The following AMPH variants were observed in gnomAD, a reference collection of about 807,000 sequenced individuals.
AMPH encodes the protein amphiphysin (Stiff-Mann syndrome with breast cancer 128kD autoantigen).
A neutral mutation model predicts 99.1 loss-of-function variants in AMPH; 49 were observed. That is an observed-to-expected ratio of 0.49 (90% CI 0.39 to 0.63). The LOEUF (loss-of-function observed/expected upper bound fraction) is 0.63. AMPH is among the 20% of genes least tolerant of loss of function. The pLI, the probability that AMPH is intolerant of heterozygous loss-of-function variation, is 0.00. For missense variants in AMPH, 759 were observed against 863.4 expected (o/e 0.88, Z 1.52); for synonymous variants, 314 against 317.3 (o/e 0.99, Z 0.11).
chr7:38,413,273 CACAGA>C (rs1785266088), intron 17 of AMPH, among the ~76,000 whole-genome samples: 1 of 151,954 alleles, frequency 6.6e-6, no homozygotes, highest in African/African-American at 2.4e-5. Flanking sequence ...GCTTAGGTGT[CACAGA>C]GCTGTGGGGC....
chr7:38,398,146 C>A (rs557995823), intron 17 of AMPH, among the ~76,000 whole-genome samples: 2 of 133,252 alleles, frequency 1.5e-5, no homozygotes, highest in African/African-American at 2.9e-5. Flanking sequence ...GTAGAGATAC[C>A]ATATGATCCA....
intron 11 of AMPH, among the ~76,000 whole-genome samples, chr7:38,449,924 A>G (rs574620064): frequency 2.6e-4 from 40 of 152,352 alleles, no homozygotes; most frequent in African/African-American, 9.4e-4. Flanking sequence ...CATGGGTGAA[A>G]AAACCATTTC....
At chr7:38,499,032 C>T (rs1268650007) in intron 3 of AMPH, among the ~76,000 whole-genome samples, 1 of 152,150 alleles carries the variant, frequency 6.6e-6, no homozygotes, top group African/African-American at 2.4e-5. Context: ...ACCTATGACC[C>T]CACTTCTTGG....
intron 2 of AMPH, among the ~76,000 whole-genome samples, chr7:38,508,967 A>T (rs1338533901): frequency 1.3e-5 from 2 of 152,220 alleles, no homozygotes; most frequent in African/African-American, 4.8e-5. Context: ...ACATTAGGCC[A>T]CTGAGCACTA....
At chr7:38,585,030 T>C (rs912353919) in intron 1 of AMPH, among the ~76,000 whole-genome samples, 3 of 152,162 alleles carry the variant, frequency 2.0e-5, no homozygotes, top group Non-Finnish European at 4.4e-5. Context: ...ATTTCCAACC[T>C]TGGGAAACAG....
At chr7:38,446,855 C>A (rs1192811572) in intron 11 of AMPH, among the ~76,000 whole-genome samples, 1 of 151,880 alleles carries the variant, frequency 6.6e-6, no homozygotes. Context: ...TTAAACCTAC[C>A]ATAGCACATT....
chr7:38,587,477 T>C (rs1304427583), intron 1 of AMPH, among the ~76,000 whole-genome samples: 2 of 152,234 alleles, frequency 1.3e-5, no homozygotes, highest in Non-Finnish European at 2.9e-5. Flanking sequence ...CATTTTGTAC[T>C]GAAATCACCT....
At chr7:38,479,000 A>G (rs914776670) in intron 5 of AMPH, among the ~76,000 whole-genome samples, 2 of 152,172 alleles carry the variant, frequency 1.3e-5, no homozygotes, top group Non-Finnish European at 2.9e-5. Flanking sequence ...ATGGTCTAAC[A>G]TAATATAATT....
In AMPH at chr7:38,429,876, A is replaced by G; in HGVS notation, c.1159-11T>C. The G allele has an allele frequency of 6.2e-7, 1 of 1,602,844 alleles. No homozygotes were observed. Among genetic ancestry groups the G allele is most frequent in the Non-Finnish European group, 8.5e-7 (1 of 1,176,578 alleles). On this transcript the variant is annotated splice_polypyrimidine_tract_variant and intron_variant, in intron 13 of 20. Coordinates refer to ENST00000356264, the MANE Select transcript of AMPH (RefSeq NM_001635.4). ...CAAATCAGTGCTTGTCTGTATGGGT[A>G]AAGAAAATAGTAACAATAAGGCGAG...
chr7:38,601,688 A>G (rs1339960562), intron 1 of AMPH, among the ~76,000 whole-genome samples: 1 of 152,170 alleles, frequency 6.6e-6, no homozygotes, highest in African/African-American at 2.4e-5. Flanking sequence ...AAAGACTAGG[A>G]CCTCAAAATG....
chr7:38,462,686 G>A (rs1787494650), intron 10 of AMPH, among the ~76,000 whole-genome samples: 1 of 152,188 alleles, frequency 6.6e-6, no homozygotes, highest in Admixed American at 6.5e-5. Context: ...TGAAAGAAAA[G>A]AGTTTTGTAG....
chr7:38,503,413 C>A (rs1211116280), intron 3 of AMPH, among the ~76,000 whole-genome samples: 10 of 143,470 alleles, frequency 7.0e-5, no homozygotes. Flanking sequence ...ATGTGGGTGG[C>A]ATTTATTTCT....
Position 38,463,056 on chromosome 7 carries a change from G to T in AMPH, c.807C>A (p.Pro269=), listed in dbSNP as rs762426046. 6.2e-7 allele frequency: 1 copy of T among 1,612,234 alleles called. No individual in the cohort carries two copies. Among genetic ancestry groups the T allele is most frequent in the South Asian group, 1.1e-5 (1 of 90,894 alleles). Residue 269 remains proline (P), a synonymous_variant, in exon 10 of 21, where the codon CCC becomes CCA. Coordinates refer to ENST00000356264, the MANE Select transcript of AMPH (RefSeq NM_001635.4). The part of the protein sequence containing the change: ...KTPSPPEEPS[P]LPSPTASPNH... Reference sequence around the variant, plus strand: ...TTGGACTTGCTGTCGGGCTCGGGAGGGGTGAAGGCTCCTCAGGCGGTGATG... The same window carrying T: ...TTGGACTTGCTGTCGGGCTCGGGAGTGGTGAAGGCTCCTCAGGCGGTGATG...
At chr7:38,515,143 A>G (rs1170598990) in intron 2 of AMPH, among the ~76,000 whole-genome samples, 1 of 152,200 alleles carries the variant, frequency 6.6e-6, no homozygotes, top group East Asian at 1.9e-4. Context: ...TTGGAACCTG[A>G]AGAAAAGGGA....
Position 38,535,009 on chromosome 7 carries a change from G to A in AMPH, c.72C>T (p.Val24=). 1 of 1,613,386 alleles carries A rather than the reference G, an allele frequency of 6.2e-7. No homozygotes were observed. The highest frequency in any genetic ancestry group is 1.1e-5 in the South Asian group (1 of 91,028). The change falls in exon 2 of 21, where the codon GTC becomes GTT. Residue 24 remains valine (V), a splice_region_variant and synonymous_variant. Transcript: ENST00000356264. ...QKRLNRAQEK[V]LQKLGKADET... ...CATCAGCTTTCCCCAGCTTTTGGAGGACCTAATTTGCAAATAAAACAAAAT... is the reference window on the plus strand; with the variant it reads ...CATCAGCTTTCCCCAGCTTTTGGAGAACCTAATTTGCAAATAAAACAAAAT...
At chr7:38,532,292 A>G (rs1790430558) in intron 2 of AMPH, among the ~76,000 whole-genome samples, 1 of 152,188 alleles carries the variant, frequency 6.6e-6, no homozygotes, top group Admixed American at 6.5e-5. Flanking sequence ...TAATTAAAAA[A>G]GATCAAAATG....
intron 17 of AMPH, among the ~76,000 whole-genome samples, chr7:38,395,618 TATATA>T (rs1254789839): frequency 6.6e-6 from 1 of 152,232 alleles, no homozygotes; most frequent in African/African-American, 2.4e-5. Context: ...AGGTTGATCT[TATATA>T]ATATATCCGG....
chr7:38,418,579 TC>T (rs1785472329), intron 16 of AMPH, among the ~76,000 whole-genome samples: 1 of 152,244 alleles, frequency 6.6e-6, no homozygotes, highest in South Asian at 2.1e-4. Flanking sequence ...AAGAACAGAA[TC>T]AGCTACCTGG....
chr7:38,549,173 G>C (rs146069717), intron 1 of AMPH, among the ~76,000 whole-genome samples: 1 of 152,310 alleles, frequency 6.6e-6, no homozygotes, highest in East Asian at 1.9e-4. Context: ...TTTATTTCTA[G>C]CTGCTGTATC....
Sources: gnomAD v4.1 joint callset for allele counts (sites outside exome capture counted in the v4.1 genomes callset) on GRCh38, gnomAD v4.1.1 for gene constraint, MANE v1.5 for transcripts, NCBI Gene and HGNC (gene_info 2026-07-23, HGNC 2026-07-21) for gene names.